Variants in TXNDC9 observed in about 807,000 individuals in gnomAD.
The protein encoded by TXNDC9 is thioredoxin domain-containing protein 9.
Under a neutral mutation model 23.0 loss-of-function variants are expected in TXNDC9, and 7 were observed. The ratio of observed to expected loss-of-function variants is 0.30; its 90% CI spans 0.17 to 0.57. The LOEUF is 0.57. Ranked by LOEUF, TXNDC9 falls within the 20% of genes least tolerant of loss-of-function variation. The pLI is 0.90. For synonymous variants in TXNDC9, 72 were observed against 90.6 expected (o/e 0.79, Z 1.17); for missense variants, 198 against 252.6 (o/e 0.78, Z 1.47).
chr2:99,307,104 T>TTC, the TXNDC9 span, among the ~76,000 whole-genome samples: 4 of 118,602 alleles, frequency 3.4e-5, no homozygotes, highest in African/African-American at 8.8e-5. Context: ...CTCTCTCTCC[T>TTC]TCTCACTCTC....
At chr2:99,329,748 A>C (rs890816339) in intron 2 of TXNDC9, among the ~76,000 whole-genome samples, 2 of 151,820 alleles carry the variant, frequency 1.3e-5, no homozygotes, top group Non-Finnish European at 2.9e-5. Context: ...CAGGTGGATC[A>C]CTTGAGGACA....
intron 1 of TXNDC9, 62 bp downstream of exon 1, chr2:99,336,177 G>A (rs2094239864): frequency 3.1e-6 from 3 of 981,848 alleles, no homozygotes; most frequent in South Asian, 4.7e-5. Flanking sequence ...ATGTGGAGCA[G>A]CAGAATGTTC....
intron 4 of TXNDC9, among the ~76,000 whole-genome samples, chr2:99,320,208 A>G (rs777834807): frequency 1.3e-5 from 2 of 152,176 alleles, no homozygotes; most frequent in Non-Finnish European, 2.9e-5. Flanking sequence ...ACATCTCACT[A>G]CATTGCCCAG....
intron 3 of TXNDC9, chr2:99,322,569 GA>G (rs1211116649): frequency 1.3e-6 from 2 of 1,521,676 alleles, no homozygotes; most frequent in South Asian, 1.3e-5. Flanking sequence ...ACAAGAATCA[GA>G]AGTGCACACA....
At chr2:99,321,916 T>C (rs753283377) in intron 4 of TXNDC9, 39 bp downstream of exon 4, 26 of 1,544,018 alleles carry the variant, frequency 1.7e-5, no homozygotes, top group Non-Finnish European at 2.2e-5. Context: ...ATCAACTATA[T>C]ATGAATTAAA....
In TXNDC9 at chr2:99,319,626, A is replaced by G. The variant is rs1351656915; in HGVS notation, c.*56T>C. 2.3e-6 allele frequency: 3 copies of G among 1,318,536 alleles called. No homozygotes were observed. The highest frequency in any genetic ancestry group is 2.2e-5 in the Admixed American group (1 of 45,766). The allele number at this position is 1,318,536 out of a possible 1,614,324, so 81.7% of individuals were successfully genotyped here. A position where few individuals can be genotyped will look rare whatever the true frequency, so the allele number is the denominator to read the frequency against. On this transcript the variant is annotated 3_prime_UTR_variant, in exon 5 of 5. Coordinates refer to ENST00000264255, the MANE Select transcript of TXNDC9 (RefSeq NM_005783.4). ...TATAGACATTAATAGAATTTTAAAA[A>G]CACATTTAAATCTGAAGCAGAAAAA...
downstream of TXNDC9, among the ~76,000 whole-genome samples, chr2:99,314,719 C>T (rs1380907908): frequency 2.7e-5 from 4 of 149,964 alleles, no homozygotes; most frequent in South Asian, 4.2e-4. Flanking sequence ...TTAGTAGAGA[C>T]GGGGTTTCAC....
chr2:99,308,710 A>T, the TXNDC9 span, among the ~76,000 whole-genome samples: 1 of 152,140 alleles, frequency 6.6e-6, no homozygotes, highest in Non-Finnish European at 1.5e-5. Context: ...CATTTTTAAA[A>T]TAAAATAATT....
chr2:99,332,814 C>T (rs890014867), intron 2 of TXNDC9: 26 of 498,624 alleles, frequency 5.2e-5, no homozygotes, highest in East Asian at 2.4e-4. Context: ...TTCTTTTACT[C>T]GACTGTGGAT....
intron 3 of TXNDC9, chr2:99,322,614 G>T (rs941032336): frequency 7.1e-6 from 11 of 1,542,834 alleles, no homozygotes; most frequent in Non-Finnish European, 8.7e-6. Context: ...AAGAAAAACT[G>T]AACAGCATTA....
intron 1 of TXNDC9, 79 bp from the exon 2 acceptor site, chr2:99,333,321 T>C: frequency 1.6e-6 from 2 of 1,270,422 alleles, no homozygotes; most frequent in Non-Finnish European, 2.1e-6. Flanking sequence ...TCAAAAATTC[T>C]GGCAAGTGTA....
At chr2:99,322,619 G>C (rs1358271446) in intron 3 of TXNDC9, 1 of 1,545,406 alleles carries the variant, frequency 6.5e-7, no homozygotes, top group Non-Finnish European at 8.7e-7. Flanking sequence ...AAACTGAACA[G>C]CATTACCGAG....
intron 1 of TXNDC9, among the ~76,000 whole-genome samples, chr2:99,334,486 C>T (rs1197997898): frequency 6.6e-6 from 1 of 152,228 alleles, no homozygotes; most frequent in Non-Finnish European, 1.5e-5. Context: ...CTGCTACACA[C>T]CTAGGCTATG....
At chr2:99,334,543 C>T (rs1370717976) in intron 1 of TXNDC9, among the ~76,000 whole-genome samples, 1 of 152,198 alleles carries the variant, frequency 6.6e-6, no homozygotes, top group South Asian at 2.1e-4. Context: ...CAGCATGTTA[C>T]TGTACTGAAT....
the TXNDC9 span, among the ~76,000 whole-genome samples, chr2:99,310,168 A>C: frequency 6.6e-6 from 1 of 152,378 alleles, no homozygotes; most frequent in Non-Finnish European, 1.5e-5. Context: ...ACTAAAAATA[A>C]ATAGGTCTTT....
At chr2:99,330,943 G>A (rs939635128) in intron 2 of TXNDC9, among the ~76,000 whole-genome samples, 2 of 152,136 alleles carry the variant, frequency 1.3e-5, no homozygotes, top group African/African-American at 4.8e-5. Flanking sequence ...ATTACTCGAT[G>A]ACAAATTCAT....
chr2:99,331,507 C>CT (rs1299058620), intron 2 of TXNDC9, among the ~76,000 whole-genome samples: 1 of 133,930 alleles, frequency 7.5e-6, no homozygotes, highest in African/African-American at 2.8e-5. Flanking sequence ...GAGACTCCCT[C>CT]TCAAAAAAAA....
At chr2:99,317,035 C>G (rs947928186), downstream of TXNDC9, among the ~76,000 whole-genome samples, 9 of 152,282 alleles carry the variant, frequency 5.9e-5, no homozygotes, top group East Asian at 1.5e-3. Context: ...GGATTACAGG[C>G]GTGAGCTACC....
downstream of TXNDC9, among the ~76,000 whole-genome samples, chr2:99,314,833 T>C (rs370394405): frequency 6.6e-6 from 1 of 152,006 alleles, no homozygotes; most frequent in South Asian, 2.1e-4. Flanking sequence ...TTTGAGCATC[T>C]TTTCATGTAC....
Sources: gnomAD v4.1 joint callset for allele counts (sites outside exome capture counted in the v4.1 genomes callset) on GRCh38, gnomAD v4.1.1 for gene constraint, MANE v1.5 for transcripts, NCBI Gene and HGNC (gene_info 2026-07-23, HGNC 2026-07-21) for gene names.